The following TMTC2 variants were observed in gnomAD, a reference collection of about 807,000 sequenced individuals.
TMTC2 encodes the protein protein O-mannosyl-transferase TMTC2.
In TMTC2, 43 loss-of-function variants were observed where a neutral mutation model predicts 82.4. The observed-to-expected ratio is 0.52, with a 90% CI of 0.41 to 0.67. The LOEUF is 0.67. Among genes scored for constraint, TMTC2 ranks in the 30% least tolerant of loss-of-function variants. The pLI, the probability that TMTC2 is intolerant of heterozygous loss-of-function variation, is 0.00. For missense variants in TMTC2, 919 were observed against 1,012.4 expected, an observed-to-expected ratio of 0.91 and a Z score of 1.25; for synonymous variants, 408 against 381.9, an observed-to-expected ratio of 1.07 and a Z score of -0.80.
chr12:83,001,063 T>TCTAAATCTCC (rs1486842610), intron 8 of TMTC2, among the ~76,000 whole-genome samples: 3 of 152,008 alleles, frequency 2.0e-5, no homozygotes, highest in African/African-American at 7.2e-5. Flanking sequence ...ACTTTTTCCT[T>TCTAAATCTCC]CTAAATCTCC....
chr12:82,750,965 AC>A (rs1875966461), intron 1 of TMTC2, among the ~76,000 whole-genome samples: 1 of 152,184 alleles, frequency 6.6e-6, no homozygotes, highest in South Asian at 2.1e-4. Context: ...TGGGAATTAC[AC>A]CCAGGCAAGC....
chr12:82,694,451 C>T (rs1322387342), intron 1 of TMTC2, among the ~76,000 whole-genome samples: 11 of 152,078 alleles, frequency 7.2e-5, no homozygotes, highest in South Asian at 6.2e-4. Flanking sequence ...CCACTGTATC[C>T]GTTTTAGAAG....
At position 82,857,557 on chromosome 12, in the gene TMTC2, C is replaced by G. The variant is rs1393023477; in HGVS notation, c.631C>G (p.Gln211Glu). Residue 211 changes from glutamine to glutamate, a missense_variant, in exon 2 of 12, where the codon CAG becomes GAG. Transcript: ENST00000321196. ...TGTCTTTCACAGGCTGAAAATAAAA[C>G]AGATATTACCTACCATTTACAAAGT... ...VFVFHRLKIK[Q>E]ILPTIYKRKN... 6.2e-7 allele frequency: 1 copy of G among 1,609,838 alleles called. No individual in the cohort carries two copies. Among genetic ancestry groups the G allele is most frequent in the East Asian group, 2.2e-5 (1 of 44,864 alleles).
intron 1 of TMTC2, among the ~76,000 whole-genome samples, chr12:82,811,233 TAAATA>T (rs939532704): frequency 9.9e-5 from 15 of 152,048 alleles, no homozygotes; most frequent in Admixed American, 2.0e-4. Flanking sequence ...CAAAAATAAA[TAAATA>T]AAATAAAATC....
intron 3 of TMTC2, among the ~76,000 whole-genome samples, chr12:82,916,101 G>A (rs1043492119): frequency 1.3e-5 from 2 of 152,132 alleles, no homozygotes; most frequent in Admixed American, 6.6e-5. Context: ...TGGGCTATGC[G>A]ATCAGCCATA....
chr12:83,103,042 C>T (rs1263302545), intron 11 of TMTC2, among the ~76,000 whole-genome samples: 6 of 152,082 alleles, frequency 3.9e-5, no homozygotes, highest in Non-Finnish European at 4.4e-5. Context: ...ATAAGAAGTA[C>T]CTTTCCAAAG....
In TMTC2 at chr12:82,965,562, G is replaced by C; in HGVS notation, c.1687G>C (p.Ala563Pro). 1 of 1,613,318 alleles carries C rather than the reference G, an allele frequency of 6.2e-7. No individual in the cohort carries two copies. Among genetic ancestry groups the C allele is most frequent in the Non-Finnish European group, 8.5e-7 (1 of 1,179,520 alleles). Residue 563 changes from alanine to proline, a missense_variant and splice_region_variant, in exon 6 of 12, where the codon GCA (alanine) becomes CCA (proline). Ala to Pro is a conservative substitution (Grantham distance 27). Transcript: ENST00000321196. ...AIGSRPTLAS[A>P]YLNTGIILMN... ...TTGTTTCCACTTTTCCCCCTCAGCTGCATATTTAAATACCGGTATTATTCT... is the reference window on the plus strand; with the variant it reads ...TTGTTTCCACTTTTCCCCCTCAGCTCCATATTTAAATACCGGTATTATTCT...
intron 11 of TMTC2, among the ~76,000 whole-genome samples, chr12:83,113,948 C>T (rs1592501579): frequency 6.6e-6 from 1 of 152,284 alleles, no homozygotes; most frequent in East Asian, 1.9e-4. Flanking sequence ...GTGAAACATA[C>T]TTCTTCATAT....
intron 1 of TMTC2, among the ~76,000 whole-genome samples, chr12:82,708,254 A>G (rs1873463326): frequency 6.6e-6 from 1 of 152,224 alleles, no homozygotes; most frequent in African/African-American, 2.4e-5. Context: ...TGGCAAACTT[A>G]CTGATCCCTG....
At chr12:82,858,727 G>A in intron 2 of TMTC2, among the ~76,000 whole-genome samples, 1 of 151,334 alleles carries the variant, frequency 6.6e-6, no homozygotes, top group Non-Finnish European at 1.5e-5. Context: ...TTCACTTAGA[G>A]TATTAAGGGC....
At chr12:82,875,896 G>A (rs553576819) in intron 2 of TMTC2, among the ~76,000 whole-genome samples, 2 of 121,234 alleles carry the variant, frequency 1.6e-5, no homozygotes, top group South Asian at 2.4e-4. Context: ...GAGAGCTCAC[G>A]CTTAAAAAAA....
chr12:83,111,945 C>CAAA (rs371253481), intron 11 of TMTC2, among the ~76,000 whole-genome samples: 9 of 137,130 alleles, frequency 6.6e-5, no homozygotes, highest in Admixed American at 1.5e-4. Context: ...CTCGTCTCTA[C>CAAA]AAAAAAAAAA....
intron 1 of TMTC2, among the ~76,000 whole-genome samples, chr12:82,839,413 G>C (rs1341875621): frequency 6.6e-6 from 1 of 152,080 alleles, no homozygotes; most frequent in Non-Finnish European, 1.5e-5. Context: ...GACTCTTCTA[G>C]GTTGTATTTT....
chr12:82,898,121 T>C (rs540560706), intron 3 of TMTC2, among the ~76,000 whole-genome samples: 5 of 152,340 alleles, frequency 3.3e-5, no homozygotes. Flanking sequence ...GCAGGGATTT[T>C]AATGGGAAGT....
chr12:82,900,653 G>T (rs1017899306), intron 3 of TMTC2, among the ~76,000 whole-genome samples: 1 of 139,258 alleles, frequency 7.2e-6, no homozygotes, highest in African/African-American at 2.6e-5. Flanking sequence ...TATATCTCTG[G>T]AATATATATA....
At chr12:82,890,230 C>T (rs898242250) in intron 2 of TMTC2, among the ~76,000 whole-genome samples, 2 of 151,950 alleles carry the variant, frequency 1.3e-5, no homozygotes, top group African/African-American at 4.8e-5. Flanking sequence ...TCTGAATTTC[C>T]TGGCTATATT....
intron 1 of TMTC2, among the ~76,000 whole-genome samples, chr12:82,828,581 T>C (rs1869567776): frequency 2.0e-5 from 3 of 152,336 alleles, no homozygotes; most frequent in African/African-American, 7.2e-5. Context: ...AATAGTCAAA[T>C]AGTTAAGCCT....
At chr12:82,810,026 T>C (rs1488342227) in intron 1 of TMTC2, among the ~76,000 whole-genome samples, 1 of 152,130 alleles carries the variant, frequency 6.6e-6, no homozygotes, top group East Asian at 1.9e-4. Context: ...TGAGAATTTA[T>C]ATACAGAATC....
intron 1 of TMTC2, among the ~76,000 whole-genome samples, chr12:82,719,116 C>T (rs1329744072): frequency 1.7e-5 from 1 of 58,440 alleles, no homozygotes; most frequent in Non-Finnish European, 2.9e-5. Flanking sequence ...TTTTTTGAGA[C>T]GGAGTCTCGT....
Sources: gnomAD v4.1 joint callset for allele counts (sites outside exome capture counted in the v4.1 genomes callset) on GRCh38, gnomAD v4.1.1 for gene constraint, MANE v1.5 for transcripts, NCBI Gene and HGNC (gene_info 2026-07-23, HGNC 2026-07-21) for gene names.